The following GFRA1 variants were observed in gnomAD, a reference collection of about 807,000 sequenced individuals.
GFRA1 encodes GDNF family receptor alpha 1, also known as GDNF family receptor alpha-1.
In GFRA1, 16 loss-of-function variants were observed where a neutral mutation model predicts 51.6. That is an observed-to-expected ratio of 0.31 (90% CI 0.21 to 0.47). GFRA1 has a LOEUF of 0.47. GFRA1 is among the 20% of genes least tolerant of loss of function. The pLI is 1.00. For missense variants in GFRA1, 530 were observed against 594.3 expected (o/e 0.89, Z 1.13); for synonymous variants, 270 against 241.3 (o/e 1.12, Z -1.10).
chr10:116,096,555 T>C, intron 7 of GFRA1, 100 bp downstream of exon 7: 2 of 731,762 alleles, frequency 2.7e-6, no homozygotes, highest in Admixed American at 2.0e-5. Context: ...GAGGTTACTG[T>C]GAGATTTTCA....
At chr10:116,271,729 G>A (rs900447392) in intron 2 of GFRA1, among the ~76,000 whole-genome samples, 2 of 152,176 alleles carry the variant, frequency 1.3e-5, no homozygotes, top group Middle Eastern at 3.2e-3. Context: ...TGGGCTGGAG[G>A]GCTTCTTAGT....
At chr10:116,160,237 C>A (rs976221380) in intron 5 of GFRA1, among the ~76,000 whole-genome samples, 2 of 152,148 alleles carry the variant, frequency 1.3e-5, no homozygotes, top group African/African-American at 4.8e-5. Context: ...CATTTCTGTA[C>A]ACTAAATTTC....
intron 5 of GFRA1, among the ~76,000 whole-genome samples, chr10:116,207,902 GAGCCGCCCACTC>G (rs1241794853): frequency 5.9e-5 from 9 of 152,050 alleles, no homozygotes; most frequent in African/African-American, 2.2e-4. Flanking sequence ...ACGGCAGTTA[GAGCCGCCCACTC>G]AGCCCTCAGC....
chr10:116,125,131 G>C (rs1957800254), intron 6 of GFRA1, 90 bp downstream of exon 6: 2 of 1,135,924 alleles, frequency 1.8e-6, no homozygotes, highest in East Asian at 4.8e-5. Context: ...TACCTTGGTA[G>C]AAGCACAGAA....
At chr10:116,101,020 C>T (rs1180868409) in intron 6 of GFRA1, among the ~76,000 whole-genome samples, 2 of 152,128 alleles carry the variant, frequency 1.3e-5, no homozygotes, top group African/African-American at 2.4e-5. Flanking sequence ...TGTTGAGTTC[C>T]TGATGCTGTG....
At position 116,265,531 on chromosome 10, in the gene GFRA1, G is replaced by A. The variant is rs1167627223; in HGVS notation, c.418+3972C>T. 3.3e-5 allele frequency among the ~76,000 whole-genome samples: 5 copies of A among 152,156 alleles called. No homozygotes were observed. In the South Asian group the frequency reaches 6.2e-4, roughly 19 times the overall value. On this transcript the variant is annotated intron_variant, in intron 4 of 10. Coordinates refer to ENST00000355422, the MANE Select transcript of GFRA1 (RefSeq NM_005264.8). ...ACTGCTTTGCTCTCCCACTCCAAGA[G>A]TCCAAAAAAAATTGCCAACAGGTTC...
intron 7 of GFRA1, among the ~76,000 whole-genome samples, chr10:116,094,918 G>A (rs553704523): frequency 6.6e-6 from 1 of 152,314 alleles, no homozygotes; most frequent in Non-Finnish European, 1.5e-5. Context: ...TGCCACGGTG[G>A]GCCCCTGGCA....
intron 6 of GFRA1, among the ~76,000 whole-genome samples, chr10:116,113,189 T>TTC (rs1957280910): frequency 6.6e-6 from 1 of 151,900 alleles, no homozygotes; most frequent in African/African-American, 2.4e-5. Flanking sequence ...CCCTAATTTT[T>TTC]TTTTTTTTGG....
At chr10:116,232,243 A>G (rs1490800186) in intron 4 of GFRA1, among the ~76,000 whole-genome samples, 1 of 152,204 alleles carries the variant, frequency 6.6e-6, no homozygotes, top group East Asian at 1.9e-4. Context: ...GAGCAAAAAC[A>G]CCAGTGATTT....
intron 5 of GFRA1, among the ~76,000 whole-genome samples, chr10:116,137,738 C>A (rs1480394802): frequency 2.0e-5 from 3 of 152,192 alleles, no homozygotes; most frequent in African/African-American, 7.2e-5. Context: ...GAGCTGCACT[C>A]AAGAGGACCA....
intron 2 of GFRA1, among the ~76,000 whole-genome samples, chr10:116,271,406 C>T (rs1843926547): frequency 6.6e-6 from 1 of 152,124 alleles, no homozygotes; most frequent in African/African-American, 2.4e-5. Flanking sequence ...CGTCGGCCCT[C>T]CGCCCCGGGG....
intron 5 of GFRA1, among the ~76,000 whole-genome samples, chr10:116,173,193 C>T (rs79916347): frequency 2.0e-3 from 298 of 152,322 alleles, no homozygotes; most frequent in African/African-American, 7.0e-3. Context: ...GATTCCATCT[C>T]ATCCTCACCT....
chr10:116,251,256 T>C (rs573089745), intron 4 of GFRA1, among the ~76,000 whole-genome samples: 7 of 152,342 alleles, frequency 4.6e-5, no homozygotes, highest in Admixed American at 1.3e-4. Flanking sequence ...GTTGGCTCAG[T>C]AGACATTTGT....
intron 5 of GFRA1, among the ~76,000 whole-genome samples, chr10:116,180,634 C>T (rs572855260): frequency 3.5e-4 from 53 of 152,310 alleles, no homozygotes; most frequent in Non-Finnish European, 4.3e-4. Context: ...AGATTCTATA[C>T]CCACCCACGG....
chr10:116,101,314 A>G (rs556433188), intron 6 of GFRA1, among the ~76,000 whole-genome samples: 1 of 152,348 alleles, frequency 6.6e-6, no homozygotes, highest in East Asian at 1.9e-4. Flanking sequence ...TGAAATCTCC[A>G]TGACGACAGC....
At chr10:116,082,007 G>A (rs1201364715) in intron 9 of GFRA1, among the ~76,000 whole-genome samples, 1 of 152,200 alleles carries the variant, frequency 6.6e-6, no homozygotes, top group Non-Finnish European at 1.5e-5. Context: ...GATCAGTGGA[G>A]TGCAGATATG....
Position 116,156,033 on chromosome 10 carries a change from G to T in GFRA1, c.434-30476C>A, listed in dbSNP as rs562624069. ...CTTACTTGGAGCAGGTACTGAAGGA[G>T]ACGATATTTCCATTCACAAATGGGC... On this transcript the variant is annotated intron_variant, in intron 5 of 10. Coordinates refer to ENST00000355422, the MANE Select transcript of GFRA1 (RefSeq NM_005264.8). Among the ~76,000 whole-genome samples, 7 of 152,308 alleles carry T rather than the reference G, an allele frequency of 4.6e-5. No homozygotes were observed. The South Asian group carries it at 1.5e-3, about 32-fold the overall frequency.
intron 4 of GFRA1, among the ~76,000 whole-genome samples, chr10:116,216,912 C>T (rs1192500851): frequency 6.6e-6 from 1 of 152,190 alleles, no homozygotes; most frequent in African/African-American, 2.4e-5. Flanking sequence ...ATTTCACAAT[C>T]AGCTGAGCTG....
intron 5 of GFRA1, among the ~76,000 whole-genome samples, chr10:116,179,660 A>G (rs569830233): frequency 8.5e-5 from 13 of 152,288 alleles, no homozygotes; most frequent in African/African-American, 3.1e-4. Flanking sequence ...GGACACAGAG[A>G]TCTGCTTTGG....
Sources: allele counts gnomAD v4.1 joint callset (sites outside exome capture counted in the v4.1 genomes callset), GRCh38; gene constraint gnomAD v4.1.1; transcripts MANE v1.5; gene names NCBI Gene and HGNC (gene_info 2026-07-23, HGNC 2026-07-21).